Variants in FXYD2 observed in about 807,000 individuals in gnomAD.
The protein encoded by FXYD2 is sodium/potassium-transporting ATPase subunit gamma.
FXYD2 carries 8 observed loss-of-function variants against 11.8 expected under a neutral mutation model. The ratio of observed to expected loss-of-function variants is 0.68; its 90% CI spans 0.40 to 1.22. FXYD2 has a LOEUF of 1.22. FXYD2 is among the 50% of genes most tolerant of loss of function. The pLI is 0.01. For missense variants in FXYD2, 92 were observed against 91.8 expected (o/e 1.00, Z -0.01); for synonymous variants, 42 against 33.3 (o/e 1.26, Z -0.90).
chr11:117,824,269 G>T lies in FXYD2; in HGVS notation c.25+385C>A, dbSNP rs1250897529. 6 of 350,218 alleles carry T rather than the reference G, an allele frequency of 1.7e-5. No individual in the cohort carries two copies. The Admixed American group carries it at 2.2e-4, about 13-fold the overall frequency. The allele number at this position is 350,218 out of a possible 1,614,324, so 21.7% of individuals were successfully genotyped here. A position where few individuals can be genotyped will look rare whatever the true frequency, so the allele number is the denominator to read the frequency against. On this transcript the variant is annotated intron_variant, in intron 1 of 5. Coordinates refer to ENST00000292079, the MANE Select transcript of FXYD2 (RefSeq NM_001680.5). The surrounding 1 kb of genome is among the most constrained non-coding windows in gnomAD (Gnocchi z 4.0). ...TTGGCGGGCTCTCACCCCAAATCCA[G>T]CCTAGGAAGGCTGACCAGAGGGGCC...
At chr11:117,823,957 G>A (rs181013915) in intron 1 of FXYD2, among the ~76,000 whole-genome samples, 85 of 152,358 alleles carry the variant, frequency 5.6e-4, no homozygotes, top group Middle Eastern at 3.4e-3. Context: ...ACAGAAGGCC[G>A]TCAGGGCTGT....
At chr11:117,824,775 G>C (rs1234062515), upstream of FXYD2, 2 of 1,493,886 alleles carry the variant, frequency 1.3e-6, no homozygotes, top group African/African-American at 1.4e-5. The surrounding 1 kb of genome is among the most constrained non-coding windows in gnomAD (Gnocchi z 4.0). Flanking sequence ...CGGGGACGAG[G>C]TGCGGGCATT....
chr11:117,826,754 A>ATCTG (rs61440081), upstream of FXYD2, among the ~76,000 whole-genome samples: 12,849 of 142,824 alleles, frequency 0.09, 604 homozygotes, highest in East Asian at 0.12. Flanking sequence ...AAATAAATTC[A>ATCTG]TCTGTCTGTC....
rs570576589 is a variant in FXYD2 at position 117,822,015 on chromosome 11, T to C, written c.139+391A>G. 1 of 1,191,716 alleles carries C rather than the reference T, an allele frequency of 8.4e-7. No individual in the cohort carries two copies. The highest frequency in any genetic ancestry group is 1.6e-5 in the African/African-American group (1 of 63,644). The allele number at this position is 1,191,716 out of a possible 1,614,324, so 73.8% of individuals were successfully genotyped here. Reference sequence around the variant, plus strand: ...CTGGACCGTTCTCAGAGCGCTGTCCTGACTGCCATGTCTTTGGATGCTAGC... The same window carrying C: ...CTGGACCGTTCTCAGAGCGCTGTCCCGACTGCCATGTCTTTGGATGCTAGC... On this transcript the variant is annotated intron_variant, in intron 3 of 5. Coordinates refer to ENST00000292079, the MANE Select transcript of FXYD2 (RefSeq NM_001680.5). The surrounding 1 kb of genome is among the most constrained non-coding windows in gnomAD (Gnocchi z 4.7).
rs148023254 is a variant in FXYD2 at position 117,821,250 on chromosome 11, C to G, written c.140-355G>C. 180 of 698,462 alleles carry G rather than the reference C, an allele frequency of 2.6e-4. 1 individual carries two copies. In the East Asian group the frequency reaches 5.1e-3, roughly 20 times the overall value. The allele number at this position is 698,462 out of a possible 1,614,324, so 43.3% of individuals were successfully genotyped here. On this transcript the variant is annotated intron_variant, in intron 3 of 5. Transcript: ENST00000292079. ...TAAAAAAATTTTTTTTTGTATAGAT[C>G]GGGTCTCACTGTATTGACCAGGCTG...
At position 117,822,413 on chromosome 11, in the gene FXYD2, G is replaced by A. The variant is rs114348969; in HGVS notation, c.132C>T (p.Ile44=). 161 of 1,558,434 alleles carry A rather than the reference G, an allele frequency of 1.0e-4. No homozygotes were observed. In the African/African-American group the frequency reaches 2.0e-3, roughly 20 times the overall value. Residue 44 remains isoleucine (I), a synonymous_variant, in exon 3 of 6, where the codon ATC becomes ATT. Transcript: ENST00000292079. This position sits in a 1 kb window ranked among gnomAD's most constrained non-coding sequence, Gnocchi z 4.7. ...GGAGGCCACCCCACTTACTGAGGAG[G>A]ATGAGGAGCCCCACGATGAAGGCCA... The part of the protein sequence containing the change: ...AGLAFIVGLL[I]LLSRRFRCGG...
upstream of FXYD2, among the ~76,000 whole-genome samples, chr11:117,825,832 G>GCCAA (rs1390131037): frequency 6.6e-6 from 1 of 152,194 alleles, no homozygotes; most frequent in East Asian, 1.9e-4. Flanking sequence ...CCACAAAACA[G>GCCAA]CCAAGGTCAG....
chr11:117,821,681 A>G, intron 3 of FXYD2: 1 of 959,658 alleles, frequency 1.0e-6, no homozygotes, highest in Non-Finnish European at 1.2e-6. Flanking sequence ...CTGTGGCCCG[A>G]GCCTTGGGGT....
chr11:117,824,540 G>A lies in FXYD2; in HGVS notation c.25+114C>T. 1.1e-6 allele frequency: 1 copy of A among 869,684 alleles called. No homozygotes were observed. Among genetic ancestry groups the A allele is most frequent in the Non-Finnish European group, 1.9e-6 (1 of 519,546 alleles). 53.9% of individuals were successfully genotyped at this position (869,684 alleles called of 1,614,324 possible). On this transcript the variant is annotated intron_variant, in intron 1 of 5. Transcript: ENST00000292079. The surrounding 1 kb of genome is among the most constrained non-coding windows in gnomAD (Gnocchi z 4.0). ...ACAGGAAGAGGGGCTGGGTACTCTG[G>A]AAGGCTGAGGTGGCAGGAGAGGGAA...
At position 117,822,930 on chromosome 11, in the gene FXYD2, G is replaced by C. The variant is rs1239187832; in HGVS notation, c.26-213C>G. ...CGCTCAACTGGGGACCAAATACCGA[G>C]TGTCCGAGGGGGATCCGTGCTGTCT... On this transcript the variant is annotated intron_variant, in intron 1 of 5. Transcript: ENST00000292079. The surrounding 1 kb of genome is among the most constrained non-coding windows in gnomAD (Gnocchi z 4.7). 6.6e-6 allele frequency among the ~76,000 whole-genome samples: 1 copy of C among 152,094 alleles called. No individual in the cohort carries two copies.
rs773513184 is a variant in FXYD2 at position 117,822,753 on chromosome 11, C to T, written c.26-36G>A. 5.0e-6 allele frequency: 8 copies of T among 1,600,282 alleles called. No homozygotes were observed. Among genetic ancestry groups the T allele is most frequent in the Non-Finnish European group, 6.8e-6 (8 of 1,175,940 alleles). ...GCCAGAGGTGGGATGAGAGGAGTCA[C>T]CGATGGTGAGCCAGCCACAGGAACA... On this transcript the variant is annotated intron_variant, in intron 1 of 5. Transcript: ENST00000292079. This position sits in a 1 kb window ranked among gnomAD's most constrained non-coding sequence, Gnocchi z 4.7.
chr11:117,821,428 A>G lies in FXYD2; in HGVS notation c.140-533T>C, dbSNP rs561924990. 8 of 986,788 alleles carry G rather than the reference A, an allele frequency of 8.1e-6. No homozygotes were observed. In the South Asian group the frequency reaches 3.3e-4, roughly 40 times the overall value. 61.1% of individuals were successfully genotyped at this position (986,788 alleles called of 1,614,324 possible). On this transcript the variant is annotated intron_variant, in intron 3 of 5. Coordinates refer to ENST00000292079, the MANE Select transcript of FXYD2 (RefSeq NM_001680.5). Reference sequence around the variant, plus strand: ...CCTAAGTCAGTCAGTCAGTCAGCAAATATTTACTGGAGCAGATCCACGGTG... The same window carrying G: ...CCTAAGTCAGTCAGTCAGTCAGCAAGTATTTACTGGAGCAGATCCACGGTG...
upstream of FXYD2, chr11:117,827,972 G>A (rs1459429231): frequency 1.4e-6 from 2 of 1,457,578 alleles, no homozygotes; most frequent in Admixed American, 3.9e-5. Context: ...GCAGGGAGGA[G>A]GAATGGGGCT....
At chr11:117,821,505 C>T in intron 3 of FXYD2, 1 of 986,224 alleles carries the variant, frequency 1.0e-6, no homozygotes, top group Non-Finnish European at 1.2e-6. Context: ...CATGGTGCCC[C>T]CAGCACAGCT....
upstream of FXYD2, among the ~76,000 whole-genome samples, chr11:117,827,757 G>A (rs546812219): frequency 8.5e-5 from 13 of 152,342 alleles, no homozygotes; most frequent in Admixed American, 3.3e-4. Flanking sequence ...GGACAGACAA[G>A]TAAATGAGGC....
chr11:117,827,886 C>A, upstream of FXYD2: 1 of 794,932 alleles, frequency 1.3e-6, no homozygotes. Context: ...CTCTTCCTTT[C>A]TGCTTTTCCT....
chr11:117,820,560 C>A, intron 5 of FXYD2, 106 bp downstream of exon 5: 1 of 1,435,860 alleles, frequency 7.0e-7, no homozygotes, highest in South Asian at 1.2e-5. Context: ...GATGTGTGGA[C>A]GACCCTAAAA....
chr11:117,822,834 AG>A lies in FXYD2; in HGVS notation c.26-118del. The A allele has an allele frequency of 7.1e-7, 1 of 1,403,468 alleles. No individual in the cohort carries two copies. The highest frequency in any genetic ancestry group is 9.8e-7 in the Non-Finnish European group (1 of 1,022,380). The allele number at this position is 1,403,468 out of a possible 1,614,324, so 86.9% of individuals were successfully genotyped here. A position where few individuals can be genotyped will look rare whatever the true frequency, so the allele number is the denominator to read the frequency against. On this transcript the variant is annotated intron_variant, in intron 1 of 5. Transcript: ENST00000292079. The surrounding 1 kb of genome is among the most constrained non-coding windows in gnomAD (Gnocchi z 4.7). ...GGACCCTCGAGGGTCCAAGCAGGCG[AG>A]GGGAGGCTGGGAGCAGGGGTGTTGC...
At position 117,822,511 on chromosome 11, in the gene FXYD2, TG is replaced by T; in HGVS notation, c.65-32del. The stretch of plus-strand genomic sequence containing the variant: ...GAAAGAGAGGGCAAGAGGAGCGGGA[TG>T]GGTGGTCTCTCCCAGCAGCTGTCTC... On this transcript the variant is annotated intron_variant, in intron 2 of 5. Coordinates refer to ENST00000292079, the MANE Select transcript of FXYD2 (RefSeq NM_001680.5). This position sits in a 1 kb window ranked among gnomAD's most constrained non-coding sequence, Gnocchi z 4.7. 1 of 1,556,432 alleles carries T rather than the reference TG, an allele frequency of 6.4e-7. No homozygotes were observed. Among genetic ancestry groups the T allele is most frequent in the Non-Finnish European group, 8.7e-7 (1 of 1,149,366 alleles).
Sources: gnomAD v4.1 joint callset for allele counts (sites outside exome capture counted in the v4.1 genomes callset) on GRCh38, gnomAD v4.1.1 for gene constraint, Gnocchi (gnomAD v3.1) non-coding constraint, MANE v1.5 for transcripts, NCBI Gene and HGNC (gene_info 2026-07-23, HGNC 2026-07-21) for gene names.